LRRK2: variants seen among roughly 807,000 people sequenced by gnomAD.
The protein encoded by LRRK2 is leucine rich repeat kinase 2.
In LRRK2, 203 loss-of-function variants were observed where a neutral mutation model predicts 302.6. The observed-to-expected ratio is 0.67, with a 90% CI of 0.60 to 0.75. LRRK2 has a LOEUF of 0.75. LRRK2 is among the 30% of genes least tolerant of loss of function. The pLI, the probability that LRRK2 is intolerant of heterozygous loss-of-function variation, is 0.00. For missense variants in LRRK2, 2,830 were observed against 2,951.0 expected, an observed-to-expected ratio of 0.96 and a Z score of 0.95; for synonymous variants, 1,066 against 1,031.9, an observed-to-expected ratio of 1.03 and a Z score of -0.63.
At chr12:40,302,666 A>C (rs1303666882) in intron 25 of LRRK2, 123 bp from the exon 26 acceptor site, 9 of 741,174 alleles carry the variant, frequency 1.2e-5, no homozygotes, top group Non-Finnish European at 1.9e-5. Flanking sequence ...ATTTTTAAAA[A>C]TTGTCAGTGT....
chr12:40,228,741 G>A (rs1355434012), intron 2 of LRRK2, among the ~76,000 whole-genome samples: 1 of 152,110 alleles, frequency 6.6e-6, no homozygotes, highest in Non-Finnish European at 1.5e-5. Context: ...GGTCTGAGAT[G>A]TAAGTCTTTA....
At chr12:40,277,365 A>G (rs778244846) in intron 16 of LRRK2, among the ~76,000 whole-genome samples, 6 of 152,148 alleles carry the variant, frequency 3.9e-5, no homozygotes, top group Non-Finnish European at 8.8e-5. Flanking sequence ...AGCGCTTCTC[A>G]ACTACACTCA....
At position 40,265,637 on chromosome 12, in the gene LRRK2, A is replaced by G. The variant is rs73263851; in HGVS notation, c.1656+1736A>G. Among the ~76,000 whole-genome samples the G allele has an allele frequency of 7.8e-3, 1,187 of 152,258 alleles. 20 individuals carry two copies. Among genetic ancestry groups the G allele is most frequent in the African/African-American group, 0.026 (1,093 of 41,554 alleles). On this transcript the variant is annotated intron_variant, in intron 14 of 50. Transcript: ENST00000298910. Reference sequence around the variant, plus strand: ...TTCATATATCGCATGTCTCATAAGTATCTGAAATCTCCACCCAGGGGTGTG... The same window carrying G: ...TTCATATATCGCATGTCTCATAAGTGTCTGAAATCTCCACCCAGGGGTGTG...
At chr12:40,291,768 T>C (rs1313118667) in intron 20 of LRRK2, among the ~76,000 whole-genome samples, 1 of 152,046 alleles carries the variant, frequency 6.6e-6, no homozygotes, top group Non-Finnish European at 1.5e-5. Context: ...TTCACTGACT[T>C]TTCTTTCTAT....
In LRRK2 at chr12:40,293,569, A is replaced by T. The variant is rs140851697; in HGVS notation, c.2714A>T (p.Lys905Ile). The change falls in exon 21 of 51, where the codon AAA (lysine) becomes ATA (isoleucine). Residue 905 changes from lysine (K) to isoleucine (I), a missense_variant. By Grantham distance (102) the Lys-to-Ile change is moderately radical. Transcript: ENST00000298910. Reference protein sequence around the residue: ...SEGSEGSFLVKKKSNSISVGE... With the variant: ...SEGSEGSFLVIKKSNSISVGE... Reference sequence around the variant, plus strand: ...GGAAGTGAAGGCTCATTTCTTGTGAAAAAGAAATCTAATTCAATTAGTGTA... The same window carrying T: ...GGAAGTGAAGGCTCATTTCTTGTGATAAAGAAATCTAATTCAATTAGTGTA... 3.4e-5 allele frequency: 54 copies of T among 1,609,372 alleles called. No homozygotes were observed. Among genetic ancestry groups the T allele is most frequent in the Admixed American group, 1.0e-4 (6 of 59,686 alleles).
intron 7 of LRRK2, among the ~76,000 whole-genome samples, chr12:40,245,029 CCTTGA>C (rs1009296908): frequency 4.0e-5 from 6 of 150,624 alleles, no homozygotes; most frequent in Non-Finnish European, 8.9e-5. Flanking sequence ...AAATACCTTC[CCTTGA>C]CTTGTAGCAT....
In LRRK2 at chr12:40,294,842, TA is replaced by T; in HGVS notation, c.2809-2del. 1 of 1,498,124 alleles carries T rather than the reference TA, an allele frequency of 6.7e-7. No individual in the cohort carries two copies. Among genetic ancestry groups the T allele is most frequent in the Non-Finnish European group, 9.3e-7 (1 of 1,080,078 alleles). 92.8% of individuals were successfully genotyped at this position (1,498,124 alleles called of 1,614,324 possible). On this transcript the variant is annotated splice_acceptor_variant, in intron 21 of 50. Transcript: ENST00000298910. LOFTEE classifies it high-confidence loss of function. Reference sequence around the variant, plus strand: ...AATTTTATTATAAATTATTTTTTAATAGGGGCCCATTTTTGATCATGAAGAT... The same window carrying T: ...AATTTTATTATAAATTATTTTTTAATGGGGCCCATTTTTGATCATGAAGAT...
chr12:40,235,609 T>C lies in LRRK2; in HGVS notation c.348-17T>C, dbSNP rs760190020. The C allele has an allele frequency of 6.5e-6, 10 of 1,541,580 alleles. No homozygotes were observed. Among genetic ancestry groups the C allele is most frequent in the Non-Finnish European group, 8.1e-6 (9 of 1,114,256 alleles). On this transcript the variant is annotated splice_polypyrimidine_tract_variant and intron_variant, in intron 3 of 50. Transcript: ENST00000298910. ...ATGATATTTCATTCTTATCTTGATTTCTGTTTTTAACTCCAGATTGATTCT... is the reference window on the plus strand; with the variant it reads ...ATGATATTTCATTCTTATCTTGATTCCTGTTTTTAACTCCAGATTGATTCT...
Position 40,354,402 on chromosome 12 carries a change from T to A in LRRK2, c.6680T>A (p.Ile2227Asn). 1 of 1,614,116 alleles carries A rather than the reference T, an allele frequency of 6.2e-7. No individual in the cohort carries two copies. Among genetic ancestry groups the A allele is most frequent in the Non-Finnish European group, 8.5e-7 (1 of 1,179,984 alleles). The change falls in exon 45 of 51, where the codon ATC becomes AAC. Residue 2227 changes from isoleucine (I) to asparagine (N), a missense_variant. Coordinates refer to ENST00000298910, the MANE Select transcript of LRRK2 (RefSeq NM_198578.4). ...SGTQSGTLLV[I>N]NTEDGKKRHT... ...ACACAGTCTGGTACTCTCCTGGTCA[T>A]CAATACCGAAGATGGGAAAAAGAGA...
intron 50 of LRRK2, 125 bp from the exon 51 acceptor site, chr12:40,367,519 G>GTT: frequency 1.2e-6 from 1 of 811,010 alleles, no homozygotes; most frequent in Non-Finnish European, 1.8e-6. Flanking sequence ...TAGTACATTA[G>GTT]TTATAGCTGT....
At chr12:40,247,832 T>C (rs554809715) in intron 7 of LRRK2, among the ~76,000 whole-genome samples, 1 of 148,452 alleles carries the variant, frequency 6.7e-6, no homozygotes, top group South Asian at 2.1e-4. Flanking sequence ...ATATATATTT[T>C]TTGATACGTA....
intron 46 of LRRK2, 106 bp downstream of exon 46, chr12:40,356,293 A>G (rs1946536923): frequency 2.6e-6 from 2 of 773,726 alleles, no homozygotes; most frequent in Admixed American, 5.3e-5. Flanking sequence ...AGCAAGAATC[A>G]TAAATTATGC....
At chr12:40,285,819 G>C (rs1056833245) in intron 19 of LRRK2, among the ~76,000 whole-genome samples, 2 of 151,790 alleles carry the variant, frequency 1.3e-5, no homozygotes, top group African/African-American at 4.8e-5. Context: ...GCAAAAAAAA[G>C]GGCACAGACA....
chr12:40,259,342 C>T, intron 12 of LRRK2, 138 bp from the exon 13 acceptor site: 1 of 1,026,078 alleles, frequency 9.7e-7, no homozygotes, highest in Non-Finnish European at 1.5e-6. Flanking sequence ...GCTCATACTA[C>T]TGATTTCAAA....
intron 17 of LRRK2, 33 bp from the exon 18 acceptor site, chr12:40,278,058 T>C (rs1270587760): frequency 6.2e-7 from 1 of 1,613,898 alleles, no homozygotes; most frequent in Non-Finnish European, 8.5e-7. Flanking sequence ...TATGTATTTA[T>C]CTGACTCTAA....
intron 7 of LRRK2, among the ~76,000 whole-genome samples, chr12:40,245,927 C>G (rs1458613635): frequency 6.6e-6 from 1 of 151,898 alleles, no homozygotes. Flanking sequence ...CTTTCTGCTT[C>G]TTATATTCTT....
intron 40 of LRRK2, among the ~76,000 whole-genome samples, chr12:40,338,590 G>A (rs996472619): frequency 6.6e-6 from 1 of 152,130 alleles, no homozygotes; most frequent in Admixed American, 6.6e-5. Flanking sequence ...AAGCTATTTT[G>A]CTAGTCTATT....
At position 40,225,084 on chromosome 12, in the gene LRRK2, A is replaced by C. The variant is rs776873808; in HGVS notation, c.-48A>C. On this transcript the variant is annotated 5_prime_UTR_variant, in exon 1 of 51. Coordinates refer to ENST00000298910, the MANE Select transcript of LRRK2 (RefSeq NM_198578.4). Reference sequence around the variant, plus strand: ...CGGCGCCCCTGCCGGTTCCCTGAGCAGCGGACGTTCATGCTGGGAGGGCGG... The same window carrying C: ...CGGCGCCCCTGCCGGTTCCCTGAGCCGCGGACGTTCATGCTGGGAGGGCGG... The C allele has an allele frequency of 3.4e-5, 55 of 1,611,088 alleles. No homozygotes were observed. Among genetic ancestry groups the C allele is most frequent in the Non-Finnish European group, 4.7e-5 (55 of 1,179,386 alleles).
At chr12:40,260,486 G>A (rs1942720796) in intron 13 of LRRK2, among the ~76,000 whole-genome samples, 2 of 151,600 alleles carry the variant, frequency 1.3e-5, no homozygotes, top group African/African-American at 4.8e-5. Flanking sequence ...GGGTGAGTGA[G>A]GCATGGAGGA....
Sources: gnomAD v4.1 joint callset for allele counts (sites outside exome capture counted in the v4.1 genomes callset) on GRCh38, gnomAD v4.1.1 for gene constraint, MANE v1.5 for transcripts, NCBI Gene and HGNC (gene_info 2026-07-23, HGNC 2026-07-21) for gene names.